ADGRG6: variants seen among roughly 807,000 people sequenced by gnomAD.
ADGRG6 encodes adhesion G protein-coupled receptor G6.
ADGRG6 carries 84 observed loss-of-function variants against 142.4 expected under a neutral mutation model. The ratio of observed to expected loss-of-function variants is 0.59; its 90% CI spans 0.49 to 0.71. The LOEUF is 0.71. Ranked by LOEUF, ADGRG6 falls within the 30% of genes least tolerant of loss-of-function variation. The pLI, the probability that ADGRG6 is intolerant of heterozygous loss-of-function variation, is 0.00. For synonymous variants in ADGRG6, 521 were observed against 520.5 expected (o/e 1.00, Z -0.01); for missense variants, 1,367 against 1,466.6 (o/e 0.93, Z 1.11).
At chr6:142,420,712 A>T (rs1776621466) in intron 22 of ADGRG6, among the ~76,000 whole-genome samples, 1 of 152,220 alleles carries the variant, frequency 6.6e-6, no homozygotes, top group African/African-American at 2.4e-5. Flanking sequence ...TTGCATAAAA[A>T]TACCAGGCTT....
intron 2 of ADGRG6, among the ~76,000 whole-genome samples, chr6:142,348,479 G>A (rs1236163408): frequency 1.3e-5 from 2 of 152,108 alleles, no homozygotes; most frequent in Non-Finnish European, 2.9e-5. Context: ...TTATTAAAAA[G>A]TATCCCTCCT....
At chr6:142,404,909 C>A (rs944352051) in intron 14 of ADGRG6, among the ~76,000 whole-genome samples, 1 of 152,074 alleles carries the variant, frequency 6.6e-6, no homozygotes, top group Non-Finnish European at 1.5e-5. Flanking sequence ...CATGTTCAAG[C>A]GACACATAAG....
In ADGRG6 at chr6:142,402,459, A is replaced by T. The variant is rs75250372; in HGVS notation, c.1745-161A>T. ...AGAAGTTAGTCTCTGCATAGAAAGA[A>T]ATATTATTGCCTTGTGAATATGGGG... On this transcript the variant is annotated intron_variant, in intron 12 of 24. Coordinates refer to ENST00000367609, the MANE Select transcript of ADGRG6 (RefSeq NM_198569.3). 7.6e-3 allele frequency among the ~76,000 whole-genome samples: 1,156 copies of T among 152,240 alleles called. 12 individuals are homozygous for T. Among genetic ancestry groups the T allele is most frequent in the African/African-American group, 0.027 (1,104 of 41,568 alleles).
Position 142,403,726 on chromosome 6 carries a change from A to G in ADGRG6, c.1956-76A>G, listed in dbSNP as rs1409928762. 3.4e-6 allele frequency: 3 copies of G among 886,982 alleles called. No individual in the cohort carries two copies. In the African/African-American group the frequency reaches 5.3e-5, roughly 16 times the overall value. 54.9% of individuals were successfully genotyped at this position (886,982 alleles called of 1,614,324 possible). On this transcript the variant is annotated intron_variant, in intron 13 of 24. Coordinates refer to ENST00000367609, the MANE Select transcript of ADGRG6 (RefSeq NM_198569.3). ...AATTTTATTTTGTTTGTATTTTGCC[A>G]TGCAGCAAAACATGTATGTTTAAGA...
At chr6:142,405,607 T>G in intron 14 of ADGRG6, 81 bp from the exon 15 acceptor site, 2 of 1,146,832 alleles carry the variant, frequency 1.7e-6, no homozygotes, top group Non-Finnish European at 2.6e-6. Flanking sequence ...AATTGTTCAC[T>G]CGCCTAACTA....
chr6:142,315,368 GA>G (rs143784910), intron 2 of ADGRG6, among the ~76,000 whole-genome samples: 2,435 of 145,414 alleles, frequency 0.017, 62 homozygotes, highest in African/African-American at 0.056. Flanking sequence ...AAAGAAGATG[GA>G]AAAAAAAAAC....
At chr6:142,369,304 C>T (rs184348374) in intron 3 of ADGRG6, among the ~76,000 whole-genome samples, 4 of 152,264 alleles carry the variant, frequency 2.6e-5, no homozygotes, top group East Asian at 1.9e-4. Context: ...ATTTATTGCA[C>T]GTCTATTACA....
chr6:142,348,913 C>CT (rs933009228), intron 2 of ADGRG6, among the ~76,000 whole-genome samples: 1 of 152,010 alleles, frequency 6.6e-6, no homozygotes, highest in African/African-American at 2.4e-5. Context: ...TCAATACAAA[C>CT]TTTTTTTTCT....
At chr6:142,432,570 T>C (rs995216793) in intron 22 of ADGRG6, among the ~76,000 whole-genome samples, 1 of 152,168 alleles carries the variant, frequency 6.6e-6, no homozygotes, top group African/African-American at 2.4e-5. Context: ...TCCTCTCCAG[T>C]GTTTCCAAAA....
At chr6:142,354,482 C>G (rs1276978080) in intron 2 of ADGRG6, among the ~76,000 whole-genome samples, 1 of 152,158 alleles carries the variant, frequency 6.6e-6, no homozygotes, top group Non-Finnish European at 1.5e-5. Flanking sequence ...TCTATGAAAT[C>G]ATTTCATACA....
chr6:142,325,206 A>G (rs560908325), intron 2 of ADGRG6, among the ~76,000 whole-genome samples: 2 of 152,290 alleles, frequency 1.3e-5, no homozygotes, highest in South Asian at 2.1e-4. Flanking sequence ...CTAAAAGGCC[A>G]TGAAGTTTAC....
chr6:142,312,518 TA>T (rs568509348), intron 2 of ADGRG6, among the ~76,000 whole-genome samples: 1 of 152,120 alleles, frequency 6.6e-6, no homozygotes, highest in Admixed American at 6.6e-5. Context: ...CTTAAAACAA[TA>T]AAAATGCGAT....
At chr6:142,442,844 A>G (rs570964849) in intron 24 of ADGRG6, among the ~76,000 whole-genome samples, 2 of 152,106 alleles carry the variant, frequency 1.3e-5, no homozygotes, top group East Asian at 1.9e-4. Flanking sequence ...TGTCAAACCT[A>G]TATAAAAAAT....
In ADGRG6 at chr6:142,395,411, TTTGGTAGA is replaced by T. The variant is rs144835516; in HGVS notation, c.1424+1455_1424+1462del. ...GTGTAGCAACTGGGACAGCCCTGGG[TTTGGTAGA>T]TATAGCCAATGGTATACCTTCTTCA... On this transcript the variant is annotated intron_variant, in intron 9 of 24. Coordinates refer to ENST00000367609, the MANE Select transcript of ADGRG6 (RefSeq NM_198569.3). Among the ~76,000 whole-genome samples, 430 of 152,232 alleles carry T rather than the reference TTTGGTAGA, an allele frequency of 2.8e-3. 1 individual carries two copies. Among genetic ancestry groups the T allele is most frequent in the African/African-American group, 9.6e-3 (398 of 41,546 alleles).
At chr6:142,316,901 C>A (rs545552310) in intron 2 of ADGRG6, among the ~76,000 whole-genome samples, 1 of 152,144 alleles carries the variant, frequency 6.6e-6, no homozygotes, top group African/African-American at 2.4e-5. Flanking sequence ...AGATTGTGTA[C>A]ACCAGTTGTC....
At chr6:142,344,693 CTG>C (rs1346436484) in intron 2 of ADGRG6, among the ~76,000 whole-genome samples, 1 of 151,866 alleles carries the variant, frequency 6.6e-6, no homozygotes, top group Non-Finnish European at 1.5e-5. Context: ...TTCCTTAAAA[CTG>C]TAAGGAAAAA....
intron 22 of ADGRG6, among the ~76,000 whole-genome samples, chr6:142,431,645 C>T (rs533971091): frequency 6.6e-6 from 1 of 152,226 alleles, no homozygotes; most frequent in Admixed American, 6.5e-5. Context: ...TAGAAAGAGG[C>T]CAGGTGCGGT....
rs920610049 is a variant in ADGRG6, at chr6:142,443,875, C to A, written c.*360C>A. Reference sequence around the variant, plus strand: ...CCTAGATAGAGCTCATTTTACTCCACCTAATCGTTATATCTGGATATACCC... The same window carrying A: ...CCTAGATAGAGCTCATTTTACTCCAACTAATCGTTATATCTGGATATACCC... On this transcript the variant is annotated 3_prime_UTR_variant, in exon 25 of 25. Transcript: ENST00000367609. The A allele has an allele frequency of 1.9e-5, 3 of 162,000 alleles. No homozygotes were observed. The highest frequency in any genetic ancestry group is 7.2e-5 in the African/African-American group (3 of 41,722). 10.0% of individuals were successfully genotyped at this position (162,000 alleles called of 1,614,324 possible).
At position 142,397,685 on chromosome 6, in the gene ADGRG6, G is replaced by T; in HGVS notation, c.1497G>T (p.Gln499His). The part of the protein sequence containing the change: ...NTNLEGKIIQ[Q>H]KLLKNNESLD... The stretch of plus-strand genomic sequence containing the variant: ...ATTTGGAAGGAAAAATCATTCAGCA[G>T]AAGCTCCTAAAAAATAATGAGTCCT... Residue 499 changes from glutamine to histidine, a missense_variant, in exon 10 of 25, where the codon CAG (glutamine) becomes CAT (histidine). By Grantham distance (24) the Gln-to-His change is conservative (BLOSUM62 0). Around this residue, in one of 3 missense-constraint regions of ADGRG6, gnomAD observed 737 missense variants for 746.5 expected, o/e 0.99. Transcript: ENST00000367609. 6.2e-7 allele frequency: 1 copy of T among 1,607,720 alleles called. No individual in the cohort carries two copies. Among genetic ancestry groups the T allele is most frequent in the Admixed American group, 1.7e-5 (1 of 59,190 alleles).
Sources: gnomAD v4.1 joint callset for allele counts (sites outside exome capture counted in the v4.1 genomes callset) on GRCh38, gnomAD v4.1.1 for gene constraint, gnomAD v4.1.1 regional missense constraint, MANE v1.5 for transcripts, NCBI Gene and HGNC (gene_info 2026-07-23, HGNC 2026-07-21) for gene names.